Variants in BACH2 observed in about 807,000 individuals in gnomAD.
The protein encoded by BACH2 is transcription regulator protein BACH2.
In BACH2, 5 loss-of-function variants were observed where a neutral mutation model predicts 61.8. The ratio of observed to expected loss-of-function variants is 0.08; its 90% CI spans 0.04 to 0.17. The LOEUF (loss-of-function observed/expected upper bound fraction) is 0.17. BACH2 is among the 10% of genes least tolerant of loss of function. The probability of loss-of-function intolerance (pLI) is 1.00; values close to 1 mark genes in which losing one functional copy is unlikely to be tolerated. For missense variants in BACH2, 824 were observed against 1,091.1 expected, an observed-to-expected ratio of 0.76 and a Z score of 3.45; for synonymous variants, 446 against 440.1, an observed-to-expected ratio of 1.01 and a Z score of -0.17.
chr6:90,105,684 T>C (rs913717232), intron 4 of BACH2, among the ~76,000 whole-genome samples: 2 of 152,236 alleles, frequency 1.3e-5, no homozygotes, highest in Admixed American at 6.5e-5. Flanking sequence ...AATTTAAAAC[T>C]ATTTGATGTT....
intron 2 of BACH2, among the ~76,000 whole-genome samples, chr6:90,257,725 G>A (rs1042878824): frequency 2.6e-5 from 4 of 152,072 alleles, no homozygotes; most frequent in Non-Finnish European, 4.4e-5. Flanking sequence ...ACTTCACTTT[G>A]TTGATTGTTT....
intron 4 of BACH2, among the ~76,000 whole-genome samples, chr6:90,138,508 A>G (rs1290225050): frequency 1.3e-5 from 2 of 152,160 alleles, no homozygotes; most frequent in Non-Finnish European, 2.9e-5. Flanking sequence ...AAAAAAATAA[A>G]TAAAAAATAA....
At chr6:90,278,576 C>G (rs1771764868) in intron 1 of BACH2, among the ~76,000 whole-genome samples, 1 of 152,238 alleles carries the variant, frequency 6.6e-6, no homozygotes, top group Non-Finnish European at 1.5e-5. Context: ...TCCCTAAAGG[C>G]AGGGACCTGT....
At chr6:90,020,379 A>G (rs929280567) in intron 5 of BACH2, among the ~76,000 whole-genome samples, 4 of 152,160 alleles carry the variant, frequency 2.6e-5, no homozygotes, top group Non-Finnish European at 5.9e-5. Context: ...TCATGGATTA[A>G]TGAATTAATG....
At chr6:90,280,402 A>T (rs141093025) in intron 1 of BACH2, among the ~76,000 whole-genome samples, 117 of 152,340 alleles carry the variant, frequency 7.7e-4, no homozygotes, top group African/African-American at 2.5e-3. Flanking sequence ...AAACTGGACA[A>T]ATCCATTTAA....
intron 3 of BACH2, among the ~76,000 whole-genome samples, chr6:90,251,995 CA>C (rs1338150345): frequency 6.6e-6 from 1 of 152,060 alleles, no homozygotes; most frequent in Non-Finnish European, 1.5e-5. Flanking sequence ...AGAAAGAAAA[CA>C]AAATTTTTTT....
intron 6 of BACH2, among the ~76,000 whole-genome samples, chr6:90,001,880 T>G (rs1367164808): frequency 6.6e-6 from 1 of 152,186 alleles, no homozygotes. Context: ...TCTTCCTACT[T>G]AAAATAAAAA....
chr6:90,028,852 G>A (rs538346144), intron 5 of BACH2, among the ~76,000 whole-genome samples: 15 of 152,304 alleles, frequency 9.8e-5, no homozygotes, highest in South Asian at 4.1e-4. Flanking sequence ...TAACTTTTCC[G>A]TGCCTCAGTT....
At chr6:90,012,276 T>C (rs1777766819) in intron 5 of BACH2, among the ~76,000 whole-genome samples, 1 of 152,154 alleles carries the variant, frequency 6.6e-6, no homozygotes, top group African/African-American at 2.4e-5. Context: ...AGAACTGCCA[T>C]CTTAACAATA....
At chr6:90,033,614 G>T (rs1276820488) in intron 5 of BACH2, among the ~76,000 whole-genome samples, 1 of 152,036 alleles carries the variant, frequency 6.6e-6, no homozygotes, top group Non-Finnish European at 1.5e-5. Context: ...GCTTAGCAAA[G>T]AATTGATTAA....
chr6:90,264,843 G>A lies in BACH2; in HGVS notation c.-353+7006C>T, dbSNP rs1458910242. Among the ~76,000 whole-genome samples the A allele has an allele frequency of 2.6e-5, 4 of 152,172 alleles. 1 individual carries two copies. The highest frequency in any genetic ancestry group is 5.9e-5 in the Non-Finnish European group (4 of 68,034). ...TTCCTGGGAAGTCTGGGAGACCCGT[G>A]AGAGGTTGGAGGTAGATTCAAAGCA... is the stretch of plus-strand genomic sequence containing the variant. On this transcript the variant is annotated intron_variant, in intron 2 of 8. Transcript: ENST00000257749.
At chr6:90,178,302 G>T (rs531731310) in intron 4 of BACH2, among the ~76,000 whole-genome samples, 1 of 152,192 alleles carries the variant, frequency 6.6e-6, no homozygotes, top group East Asian at 1.9e-4. Flanking sequence ...CTGTATATTA[G>T]TATACTACAT....
intron 5 of BACH2, among the ~76,000 whole-genome samples, chr6:90,079,511 G>C (rs756480042): frequency 6.6e-6 from 1 of 152,106 alleles, no homozygotes; most frequent in East Asian, 1.9e-4. Flanking sequence ...GTATGAGTTG[G>C]ATCTTTCTTC....
intron 4 of BACH2, among the ~76,000 whole-genome samples, chr6:90,128,792 G>T (rs1236241831): frequency 6.6e-6 from 1 of 152,166 alleles, no homozygotes; most frequent in Non-Finnish European, 1.5e-5. Flanking sequence ...ACTCACAATA[G>T]CAAAGACTTT....
chr6:90,155,927 A>G (rs1784981601), intron 4 of BACH2, among the ~76,000 whole-genome samples: 1 of 152,200 alleles, frequency 6.6e-6, no homozygotes, highest in Non-Finnish European at 1.5e-5. Context: ...GGTTGTCAAT[A>G]TTGCATAAAG....
intron 5 of BACH2, among the ~76,000 whole-genome samples, chr6:90,010,173 A>C (rs1777631799): frequency 6.6e-6 from 1 of 152,210 alleles, no homozygotes; most frequent in Admixed American, 6.5e-5. Flanking sequence ...TGTAACTGTG[A>C]AACCATCATC....
intron 4 of BACH2, among the ~76,000 whole-genome samples, chr6:90,114,372 C>A (rs894907081): frequency 2.6e-5 from 4 of 152,188 alleles, no homozygotes; most frequent in African/African-American, 9.7e-5. Context: ...ATACAAAAAT[C>A]AATACATGTG....
intron 5 of BACH2, among the ~76,000 whole-genome samples, chr6:90,037,382 C>T (rs1314472566): frequency 2.0e-5 from 3 of 152,210 alleles, no homozygotes; most frequent in South Asian, 2.1e-4. Flanking sequence ...GACACAGCCC[C>T]GAGTTTTACA....
intron 6 of BACH2, among the ~76,000 whole-genome samples, chr6:89,970,701 C>T (rs989700304): frequency 7.9e-5 from 12 of 151,944 alleles, no homozygotes; most frequent in Non-Finnish European, 5.9e-5. Flanking sequence ...TGTTTCTGGC[C>T]CCCCCCAGAT....
Sources: gnomAD v4.1 joint callset for allele counts (sites outside exome capture counted in the v4.1 genomes callset) on GRCh38, gnomAD v4.1.1 for gene constraint, MANE v1.5 for transcripts, NCBI Gene and HGNC (gene_info 2026-07-23, HGNC 2026-07-21) for gene names.